Variants in CAMK2D observed in about 807,000 individuals in gnomAD.
CAMK2D encodes calcium/calmodulin-dependent protein kinase type II subunit delta.
In CAMK2D, 37 loss-of-function variants were observed where a neutral mutation model predicts 84.0. The ratio of observed to expected loss-of-function variants is 0.44; its 90% CI spans 0.34 to 0.58. The LOEUF is 0.58. Ranked by LOEUF, CAMK2D falls within the 20% of genes least tolerant of loss-of-function variation. CAMK2D has a pLI of 0.02. For synonymous variants in CAMK2D, 202 were observed against 212.5 expected, an observed-to-expected ratio of 0.95 and a Z score of 0.43; for missense variants, 448 against 652.5, an observed-to-expected ratio of 0.69 and a Z score of 3.41.
rs184310010 is a variant in CAMK2D, at chr4:113,688,472, T to G, written c.161-26700A>C. Among the ~76,000 whole-genome samples the G allele has an allele frequency of 2.1e-3, 315 of 152,312 alleles. 3 individuals are homozygous for G. Among genetic ancestry groups the G allele is most frequent in the South Asian group, 2.7e-3 (13 of 4,830 alleles). ...AGTAACCTTCATCTATTTACAAAAT[T>G]ATTACCTTCATACACGTTTCTAAAA... On this transcript the variant is annotated intron_variant, in intron 2 of 20. Coordinates refer to ENST00000511664, the MANE Select transcript of CAMK2D (RefSeq NM_001321571.2).
At chr4:113,663,387 A>G (rs2099243274) in intron 2 of CAMK2D, among the ~76,000 whole-genome samples, 1 of 152,066 alleles carries the variant, frequency 6.6e-6, no homozygotes, top group Admixed American at 6.5e-5. Flanking sequence ...GGAGTTCAAG[A>G]CAAGCCTGGC....
In CAMK2D at chr4:113,674,729, C is replaced by A. The variant is rs1015136885; in HGVS notation, c.161-12957G>T. On this transcript the variant is annotated intron_variant, in intron 2 of 20. Coordinates refer to ENST00000511664, the MANE Select transcript of CAMK2D (RefSeq NM_001321571.2). ...AAAACAATTTCTGACTTGTGTTAAT[C>A]CACAGATATTCTCAGAGCTTAAAGA... Among the ~76,000 whole-genome samples, 5 of 152,044 alleles carry A rather than the reference C, an allele frequency of 3.3e-5. 1 individual carries two copies. In the South Asian group the frequency reaches 1.0e-3, roughly 32 times the overall value.
chr4:113,615,065 T>C (rs1304743741), intron 3 of CAMK2D, among the ~76,000 whole-genome samples: 1 of 152,128 alleles, frequency 6.6e-6, no homozygotes, highest in East Asian at 1.9e-4. Flanking sequence ...CTTTGCTGTG[T>C]TTCAAAGATT....
chr4:113,691,637 C>A (rs999957457), intron 2 of CAMK2D, among the ~76,000 whole-genome samples: 3 of 152,070 alleles, frequency 2.0e-5, no homozygotes, highest in Non-Finnish European at 2.9e-5. Flanking sequence ...CCTGTAATCT[C>A]AGCTACTCGG....
intron 2 of CAMK2D, among the ~76,000 whole-genome samples, chr4:113,707,423 G>A (rs146809173): frequency 2.8e-4 from 43 of 152,274 alleles, no homozygotes; most frequent in Non-Finnish European, 5.1e-4. Context: ...TATTGGGAAT[G>A]GTAACCAGCT....
intron 2 of CAMK2D, among the ~76,000 whole-genome samples, chr4:113,701,906 G>T (rs186841460): frequency 1.6e-4 from 25 of 152,224 alleles, no homozygotes; most frequent in Admixed American, 1.0e-3. Flanking sequence ...TCACCATGTT[G>T]CCCAGGCTAG....
Position 113,452,567 on chromosome 4 carries a change from C to T in CAMK2D, c.*1978G>A, listed in dbSNP as rs575548410. 6.6e-6 allele frequency: 1 copy of T among 152,606 alleles called. No individual in the cohort carries two copies. The highest frequency in any genetic ancestry group is 2.4e-5 in the African/African-American group (1 of 41,520). The allele number at this position is 152,606 out of a possible 1,614,324, so 9.5% of individuals were successfully genotyped here. On this transcript the variant is annotated 3_prime_UTR_variant, in exon 21 of 21. Coordinates refer to ENST00000511664, the MANE Select transcript of CAMK2D (RefSeq NM_001321571.2). ...TGTAATTCATTTGTGGTGGAGAGAA[C>T]AAATCACAATTTCCTCACATCTTAG...
At chr4:113,708,160 T>G (rs2154352696) in intron 2 of CAMK2D, among the ~76,000 whole-genome samples, 1 of 152,064 alleles carries the variant, frequency 6.6e-6, no homozygotes, top group Admixed American at 6.5e-5. Flanking sequence ...AGGTCTGAGC[T>G]TTTTTTTGAA....
At chr4:113,471,220 A>G (rs1329026871) in intron 16 of CAMK2D, among the ~76,000 whole-genome samples, 1 of 152,058 alleles carries the variant, frequency 6.6e-6, no homozygotes, top group South Asian at 2.1e-4. Flanking sequence ...TCCATATCCA[A>G]TCCTCCATGG....
At chr4:113,716,649 C>CAAAAAAAA in intron 2 of CAMK2D, among the ~76,000 whole-genome samples, 1 of 76,154 alleles carries the variant, frequency 1.3e-5, no homozygotes, top group Middle Eastern at 7.4e-3. Flanking sequence ...AGACTCCATC[C>CAAAAAAAA]AAAAAAAAAA....
chr4:113,614,691 T>A (rs1324944954), intron 3 of CAMK2D, among the ~76,000 whole-genome samples: 1 of 152,168 alleles, frequency 6.6e-6, no homozygotes, highest in Non-Finnish European at 1.5e-5. Context: ...CATAGAATTA[T>A]CACAAATAAT....
chr4:113,602,693 T>G (rs1192396845), intron 4 of CAMK2D, among the ~76,000 whole-genome samples: 1 of 152,276 alleles, frequency 6.6e-6, no homozygotes, highest in Non-Finnish European at 1.5e-5. Flanking sequence ...ATTGTTCTTT[T>G]AAGATGATAT....
intron 3 of CAMK2D, among the ~76,000 whole-genome samples, chr4:113,629,571 G>T (rs2099081286): frequency 6.6e-6 from 1 of 151,856 alleles, no homozygotes; most frequent in East Asian, 1.9e-4. Flanking sequence ...GACATTTAAT[G>T]AAATTTATCT....
intron 3 of CAMK2D, among the ~76,000 whole-genome samples, chr4:113,610,818 C>A (rs955904876): frequency 6.6e-6 from 1 of 152,078 alleles, no homozygotes; most frequent in African/African-American, 2.4e-5. Context: ...ATTCATGCAG[C>A]ATATTTTATC....
rs1008428116 is a variant in CAMK2D, at chr4:113,515,177, T to C, written c.711A>G (p.Glu237=). 1 of 1,596,488 alleles carries C rather than the reference T, an allele frequency of 6.3e-7. No homozygotes were observed. Among genetic ancestry groups the C allele is most frequent in the Non-Finnish European group, 8.5e-7 (1 of 1,172,896 alleles). The change falls in exon 10 of 21, where the codon GAA becomes GAG. Residue 237 remains glutamate, a synonymous_variant. Coordinates refer to ENST00000511664, the MANE Select transcript of CAMK2D (RefSeq NM_001321571.2). ...KAGAYDFPSP[E]WDTVTPEAKD... is the part of the protein sequence containing the mutation. ...TGGCTTCAGGAGTCACCGTGTCCCA[T>C]TCTGGTGATGGAAACTTCAAAAATA...
chr4:113,588,956 G>T (rs1179542295), intron 4 of CAMK2D, among the ~76,000 whole-genome samples: 2 of 152,170 alleles, frequency 1.3e-5, no homozygotes, highest in Non-Finnish European at 2.9e-5. Context: ...CTTTTAGATT[G>T]GTGGGCAGGG....
intron 16 of CAMK2D, among the ~76,000 whole-genome samples, chr4:113,480,209 C>G (rs980481624): frequency 6.6e-6 from 1 of 152,016 alleles, no homozygotes; most frequent in Non-Finnish European, 1.5e-5. Flanking sequence ...GTAATCCGCC[C>G]GCCTCGGCCT....
At chr4:113,547,322 C>A (rs2098586271) in intron 6 of CAMK2D, among the ~76,000 whole-genome samples, 1 of 152,084 alleles carries the variant, frequency 6.6e-6, no homozygotes, top group African/African-American at 2.4e-5. Context: ...GTACACAGAA[C>A]AAATTTAGAG....
intron 4 of CAMK2D, among the ~76,000 whole-genome samples, chr4:113,581,513 T>TAAAAAAAAAAAAAAA (rs777730996): frequency 2.9e-5 from 1 of 34,308 alleles, no homozygotes; most frequent in African/African-American, 6.2e-5. Context: ...AACTTTCTCA[T>TAAAAAAAAAAAAAAA]AAAAAAAAAA....
Sources: gnomAD v4.1 joint callset for allele counts (sites outside exome capture counted in the v4.1 genomes callset) on GRCh38, gnomAD v4.1.1 for gene constraint, MANE v1.5 for transcripts, NCBI Gene and HGNC (gene_info 2026-07-23, HGNC 2026-07-21) for gene names.